Variants in ZNF33B observed in about 807,000 individuals in gnomAD.
ZNF33B encodes zinc finger protein 33B, also known as zinc finger protein 11b (KOX 2).
Under a neutral mutation model 45.8 loss-of-function variants are expected in ZNF33B, and 29 were observed. That is an observed-to-expected ratio of 0.63 (90% CI 0.47 to 0.86). The LOEUF (loss-of-function observed/expected upper bound fraction) is 0.86, where lower values mean the gene tolerates loss of function less well. Ranked by LOEUF, ZNF33B falls within the 40% of genes least tolerant of loss-of-function variation. ZNF33B has a pLI of 0.00. For synonymous variants in ZNF33B, 305 were observed against 307.8 expected, an observed-to-expected ratio of 0.99 and a Z score of 0.10; for missense variants, 831 against 909.9, an observed-to-expected ratio of 0.91 and a Z score of 1.12.
chr10:42,583,711 G>A lies in ZNF33B; in HGVS notation c.74-9033C>T, dbSNP rs542244875. 8.5e-5 allele frequency among the ~76,000 whole-genome samples: 13 copies of A among 152,090 alleles called. No individual in the cohort carries two copies. The East Asian group carries it at 2.1e-3, about 25-fold the overall frequency. ...GCAAATCAATGTGGCATCCATTCAC[G>A]GGCCAGTGCAATACTTCCCTTAACT... On this transcript the variant is annotated intron_variant, in intron 1 of 1. Transcript: ENST00000462075.
chr10:42,630,309 T>C (rs963648103), intron 4 of ZNF33B, among the ~76,000 whole-genome samples: 5 of 152,204 alleles, frequency 3.3e-5, no homozygotes, highest in African/African-American at 1.2e-4. Context: ...ACTTCCTGCC[T>C]GCCACCACAG....
In ZNF33B at chr10:42,590,335, A is replaced by G. The variant is rs1215831021; in HGVS notation, c.*2278T>C. ...ATTTCTACCTTAAGTATCTCGAAAA[A>G]TGCACATCAGTGAATCCATTTGGTC... On this transcript the variant is annotated 3_prime_UTR_variant, in exon 5 of 5. Coordinates refer to ENST00000359467, the MANE Select transcript of ZNF33B (RefSeq NM_006955.3). 1.3e-5 allele frequency: 2 copies of G among 152,160 alleles called. No individual in the cohort carries two copies. The highest frequency in any genetic ancestry group is 4.8e-5 in the African/African-American group (2 of 41,430). The allele number at this position is 152,160 out of a possible 1,614,324, so 9.4% of individuals were successfully genotyped here.
chr10:42,580,924 A>C (rs1283402764), intron 1 of ZNF33B, among the ~76,000 whole-genome samples: 7 of 151,990 alleles, frequency 4.6e-5, no homozygotes, highest in Non-Finnish European at 1.0e-4. Flanking sequence ...TAATAAAATA[A>C]AATAAAACCA....
chr10:42,613,990 A>G (rs1838207178), intron 4 of ZNF33B, among the ~76,000 whole-genome samples: 1 of 152,216 alleles, frequency 6.6e-6, no homozygotes, highest in Non-Finnish European at 1.5e-5. Context: ...CAGCAACAAA[A>G]TTCATAAATC....
At chr10:42,630,647 C>T (rs12262782) in intron 4 of ZNF33B, among the ~76,000 whole-genome samples, 7,292 of 152,212 alleles carry the variant, frequency 0.048, 522 homozygotes, top group African/African-American at 0.16. Context: ...TCCTGCCTTC[C>T]GGCTTTGTCT....
chr10:42,605,658 T>C (rs1379167284), intron 4 of ZNF33B, among the ~76,000 whole-genome samples: 1 of 152,174 alleles, frequency 6.6e-6, no homozygotes, highest in African/African-American at 2.4e-5. Flanking sequence ...ACAATTATTG[T>C]GGGTAAAGGC....
At chr10:42,583,503 G>T in intron 1 of ZNF33B, 2 of 246,956 alleles carry the variant, frequency 8.1e-6, no homozygotes, top group South Asian at 1.0e-4. Flanking sequence ...TTGTTATGAG[G>T]GTGCTGTCAT....
At chr10:42,604,023 C>CA (rs1209846680) in intron 4 of ZNF33B, among the ~76,000 whole-genome samples, 2 of 152,124 alleles carry the variant, frequency 1.3e-5, no homozygotes, top group East Asian at 1.9e-4. Flanking sequence ...TATTCTTCAA[C>CA]AAAAAAATTA....
intron 4 of ZNF33B, 110 bp from the exon 5 acceptor site, chr10:42,594,809 A>G (rs1589027224): frequency 8.2e-7 from 1 of 1,220,278 alleles, no homozygotes; most frequent in East Asian, 2.7e-5. Flanking sequence ...TTTTTGGCCA[A>G]TTTCCAGAGA....
At position 42,592,929 on chromosome 10, in the gene ZNF33B, A is replaced by G; in HGVS notation, c.2021T>C (p.Phe674Ser). ...TAAAATAAGTCCTGACTTCACACAG[A>G]AAGATTTTCCACATTCGTTACATTT... is the stretch of plus-strand genomic sequence containing the variant. ...PYKCNECGKS[F>S]CVKSGLILHE... Residue 674 changes from phenylalanine to serine, a missense_variant, in exon 5 of 5, where the codon TTC becomes TCC. Coordinates refer to ENST00000359467, the MANE Select transcript of ZNF33B (RefSeq NM_006955.3). The G allele has an allele frequency of 6.2e-7, 1 of 1,613,814 alleles. No homozygotes were observed. Among genetic ancestry groups the G allele is most frequent in the Non-Finnish European group, 8.5e-7 (1 of 1,179,942 alleles).
chr10:42,578,972 C>T (rs1460015275), intron 1 of ZNF33B, among the ~76,000 whole-genome samples: 1 of 152,160 alleles, frequency 6.6e-6, no homozygotes, highest in Non-Finnish European at 1.5e-5. Context: ...GCCAAGAGTT[C>T]CCTGGGAACC....
chr10:42,621,691 G>T (rs192486154), intron 4 of ZNF33B, among the ~76,000 whole-genome samples: 17 of 152,112 alleles, frequency 1.1e-4, no homozygotes, highest in Admixed American at 3.3e-4. Flanking sequence ...ACACAAAACA[G>T]AATAGAACTT....
chr10:42,605,263 T>TAA (rs1292162245), intron 4 of ZNF33B: 3 of 90,244 alleles, frequency 3.3e-5, no homozygotes, highest in African/African-American at 1.2e-4. Flanking sequence ...TGCATTAAAT[T>TAA]TAAAAAAAAA....
At chr10:42,594,762 C>T (rs1198732439) in intron 4 of ZNF33B, 63 bp from the exon 5 acceptor site, 1 of 1,493,340 alleles carries the variant, frequency 6.7e-7, no homozygotes, top group South Asian at 1.4e-5. Flanking sequence ...GGAATGAAAT[C>T]TCTACACAAA....
At position 42,592,830 on chromosome 10, in the gene ZNF33B, G is replaced by T. The variant is rs1837192632; in HGVS notation, c.2120C>A (p.Ser707Ter). 3.1e-6 allele frequency: 5 copies of T among 1,614,098 alleles called. No homozygotes were observed. Among genetic ancestry groups the T allele is most frequent in the Non-Finnish European group, 2.5e-6 (3 of 1,179,988 alleles). Residue 707 changes from serine (S) to a stop codon, truncating the protein, a stop_gained, in exon 5 of 5, where the codon TCA becomes TAA. Coordinates refer to ENST00000359467, the MANE Select transcript of ZNF33B (RefSeq NM_006955.3). LOFTEE classifies it high-confidence loss of function. The stretch of plus-strand genomic sequence containing the variant: ...GTGAGCCCTGTGATGTACTGTGAGT[G>T]ATGATTTGTGACTGAAGGATTTCCC... Reference protein sequence around the residue: ...ECGKSFSHKSSLTVHHRAHTG... With the variant: ...ECGKSFSHKS
rs1281194646 is a variant in ZNF33B, at chr10:42,594,322, C to T, written c.628G>A (p.Glu210Lys). ...TTGTGGTCTAAAGTTTGAATCTTCT[C>T]ATGCTGCAAAGTGTTCTCACGATGA... ...LSHRENTLQH[E>K]KIQTLDHNFE... The change falls in exon 5 of 5, where the codon GAG becomes AAG. Residue 210 changes from glutamate (E) to lysine (K), a missense_variant. Coordinates refer to ENST00000359467, the MANE Select transcript of ZNF33B (RefSeq NM_006955.3). 2 of 1,613,898 alleles carry T rather than the reference C, an allele frequency of 1.2e-6. No homozygotes were observed. Among genetic ancestry groups the T allele is most frequent in the South Asian group, 2.2e-5 (2 of 91,062 alleles).
Position 42,593,633 on chromosome 10 carries a change from T to C in ZNF33B, c.1317A>G (p.Lys439=), listed in dbSNP as rs764459162. The stretch of plus-strand genomic sequence containing the variant: ...TTCCACATTCATAACATTCATAGGG[T>C]TTCTGCCCTGTGTGTGTTCTCTGAT... ...TKHQRTHTGQ[K]PYECYECGKS... is the part of the protein sequence containing the mutation. The change falls in exon 5 of 5, where the codon AAA becomes AAG. Residue 439 remains lysine, a synonymous_variant. Coordinates refer to ENST00000359467, the MANE Select transcript of ZNF33B (RefSeq NM_006955.3). The C allele has an allele frequency of 6.8e-6, 11 of 1,614,076 alleles. No homozygotes were observed. Among genetic ancestry groups the C allele is most frequent in the Non-Finnish European group, 9.3e-6 (11 of 1,179,960 alleles).
intron 4 of ZNF33B, among the ~76,000 whole-genome samples, chr10:42,602,477 A>G (rs192602224): frequency 2.0e-5 from 3 of 152,250 alleles, no homozygotes; most frequent in Admixed American, 1.3e-4. Context: ...ATGTTTTCCC[A>G]TATGTCTGTA....
At chr10:42,577,592 C>T (rs868524891) in intron 1 of ZNF33B, among the ~76,000 whole-genome samples, 5 of 152,102 alleles carry the variant, frequency 3.3e-5, no homozygotes, top group South Asian at 2.1e-4. Flanking sequence ...CTTCTACTCC[C>T]GGGGTTCTCC....
Sources: allele counts gnomAD v4.1 joint callset (sites outside exome capture counted in the v4.1 genomes callset), GRCh38; gene constraint gnomAD v4.1.1; transcripts MANE v1.5; gene names NCBI Gene and HGNC (gene_info 2026-07-23, HGNC 2026-07-21).